TTLL4: variants seen among roughly 807,000 people sequenced by gnomAD.
TTLL4 encodes tubulin tyrosine ligase like 4.
TTLL4 carries 85 observed loss-of-function variants against 122.7 expected under a neutral mutation model. That is an observed-to-expected ratio of 0.69 (90% CI 0.58 to 0.83). The LOEUF (loss-of-function observed/expected upper bound fraction) is 0.83. Ranked by LOEUF, TTLL4 falls within the 40% of genes least tolerant of loss-of-function variation. TTLL4 has a pLI of 0.00. For synonymous variants in TTLL4, 553 were observed against 563.0 expected (o/e 0.98, Z 0.25); for missense variants, 1,363 against 1,488.6 (o/e 0.92, Z 1.39).
At chr2:218,728,955 A>G (rs1357414521) in intron 2 of TTLL4, among the ~76,000 whole-genome samples, 1 of 100,110 alleles carries the variant, frequency 1.0e-5, no homozygotes. Context: ...GGGGGGGGGC[A>G]TAGTTTTGTT....
chr2:218,749,322 T>C lies in TTLL4; in HGVS notation c.2670T>C (p.Phe890=), dbSNP rs116525724. The change falls in exon 14 of 20, where the codon TTT becomes TTC. Residue 890 remains phenylalanine, a synonymous_variant. Transcript: ENST00000392102. The stretch of plus-strand genomic sequence containing the variant: ...GGCCCTATAGCTGCCATGAACTCTT[T>C]GGTTTTGACATCATGCTAGACGAAA... ...VRRPYSCHEL[F]GFDIMLDENL... The C allele has an allele frequency of 1.9e-6, 3 of 1,614,060 alleles. No homozygotes were observed. The highest frequency in any genetic ancestry group is 1.1e-5 in the South Asian group (1 of 91,088).
At chr2:218,745,279 A>G (rs1478340844) in intron 6 of TTLL4, 46 bp downstream of exon 6, 2 of 1,610,776 alleles carry the variant, frequency 1.2e-6, no homozygotes, top group Non-Finnish European at 1.7e-6. Context: ...CCCGGGGAGA[A>G]GGTTGCTAGC....
Position 218,738,889 on chromosome 2 carries a change from G to T in TTLL4, c.1213G>T (p.Asp405Tyr), listed in dbSNP as rs773414414. Residue 405 changes from aspartate to tyrosine, a missense_variant, in exon 3 of 20, where the codon GAT (aspartate) becomes TAT (tyrosine). Asp to Tyr is a radical substitution (Grantham distance 160). Around this residue, in one of 3 missense-constraint regions of TTLL4, gnomAD observed 760 missense variants for 808.4 expected, o/e 0.94. Transcript: ENST00000392102. The stretch of plus-strand genomic sequence containing the variant: ...CAGGCGGGTCCTCCCTGGTGCCTCA[G>T]ATACCTTGGGGTTGGACAATACAGT... ...SVRRVLPGAS[D>Y]TLGLDNTVFC... The T allele has an allele frequency of 3.0e-5, 48 of 1,614,068 alleles. No homozygotes were observed. Among genetic ancestry groups the T allele is most frequent in the Non-Finnish European group, 3.8e-5 (45 of 1,180,040 alleles).
At chr2:218,722,695 A>G (rs1432391046) in intron 1 of TTLL4, among the ~76,000 whole-genome samples, 2 of 152,132 alleles carry the variant, frequency 1.3e-5, no homozygotes, top group African/African-American at 2.4e-5. Flanking sequence ...CTGTGTTTTA[A>G]AAAGAGTACT....
intron 12 of TTLL4, 141 bp from the exon 13 acceptor site, chr2:218,748,695 C>G (rs1006975522): frequency 4.7e-6 from 3 of 636,004 alleles, no homozygotes; most frequent in Non-Finnish European, 7.9e-6. Context: ...TATTTGCATC[C>G]AAGTTCATCT....
At chr2:218,729,059 A>G (rs1166493115) in intron 2 of TTLL4, among the ~76,000 whole-genome samples, 1 of 151,550 alleles carries the variant, frequency 6.6e-6, no homozygotes, top group Non-Finnish European at 1.5e-5. Flanking sequence ...CAGCCTCCCA[A>G]GTAGCTGGGA....
chr2:218,742,167 C>G (rs1942720646), intron 5 of TTLL4, among the ~76,000 whole-genome samples: 1 of 151,974 alleles, frequency 6.6e-6, no homozygotes, highest in South Asian at 2.1e-4. Context: ...GGGAAGGTCT[C>G]ATTATATTAC....
At chr2:218,714,094 C>T (rs1031927902) in intron 1 of TTLL4, among the ~76,000 whole-genome samples, 9 of 152,072 alleles carry the variant, frequency 5.9e-5, no homozygotes, top group African/African-American at 1.9e-4. Context: ...TGGTTGAAGC[C>T]GTGACGTGGA....
Position 218,749,994 on chromosome 2 carries a change from A to G in TTLL4, c.2736-15A>G. The G allele has an allele frequency of 6.2e-7, 1 of 1,613,332 alleles. No homozygotes were observed. The highest frequency in any genetic ancestry group is 8.5e-7 in the Non-Finnish European group (1 of 1,179,678). The stretch of plus-strand genomic sequence containing the variant: ...GAGTGCTGCTTTGACCACTCTTTTT[A>G]TCCTTTTTCTGAAGCCTCCACTCCA... On this transcript the variant is annotated splice_polypyrimidine_tract_variant and intron_variant, in intron 14 of 19. Transcript: ENST00000392102.
At position 218,747,228 on chromosome 2, in the gene TTLL4, CTG is replaced by C; in HGVS notation, c.2166+37_2166+38del. On this transcript the variant is annotated intron_variant, in intron 9 of 19. Transcript: ENST00000392102. The surrounding 1 kb of genome is among the most constrained non-coding windows in gnomAD (Gnocchi z 4.7). ...ATCACAGTGGGCAGGAGACTATGGT[CTG>C]TGAGTGGGAACAACAGAGTATTGGA... 1 of 1,614,110 alleles carries C rather than the reference CTG, an allele frequency of 6.2e-7. No homozygotes were observed. The highest frequency in any genetic ancestry group is 1.1e-5 in the South Asian group (1 of 91,078).
intron 19 of TTLL4, 96 bp from the exon 20 acceptor site, chr2:218,754,038 G>A: frequency 6.5e-7 from 1 of 1,546,948 alleles, no homozygotes; most frequent in Non-Finnish European, 8.8e-7. Flanking sequence ...ACACTGTAAT[G>A]TCGTGAATGC....
chr2:218,713,906 A>G (rs1288754188), intron 1 of TTLL4, among the ~76,000 whole-genome samples: 1 of 152,202 alleles, frequency 6.6e-6, no homozygotes, highest in East Asian at 1.9e-4. Context: ...TGGTGGCAGA[A>G]TAGAGGTAGA....
At position 218,747,769 on chromosome 2, in the gene TTLL4, T is replaced by G; in HGVS notation, c.2378+44T>G. On this transcript the variant is annotated intron_variant, in intron 11 of 19. Transcript: ENST00000392102. The surrounding 1 kb of genome is among the most constrained non-coding windows in gnomAD (Gnocchi z 4.7). ...GTATCCTCTGACAATATTGGGGATT[T>G]TATTTTCCTTGGAGGGAGGGAAACT... 1 of 1,609,046 alleles carries G rather than the reference T, an allele frequency of 6.2e-7. No individual in the cohort carries two copies. The highest frequency in any genetic ancestry group is 8.5e-7 in the Non-Finnish European group (1 of 1,176,830).
intron 2 of TTLL4, among the ~76,000 whole-genome samples, chr2:218,728,801 A>G (rs1299300009): frequency 6.6e-6 from 1 of 152,146 alleles, no homozygotes; most frequent in Non-Finnish European, 1.5e-5. Flanking sequence ...CAGAGAGTCC[A>G]GGGCTGAATA....
chr2:218,740,609 G>A (rs752819416), intron 5 of TTLL4, 25 bp downstream of exon 5: 1 of 1,612,196 alleles, frequency 6.2e-7, no homozygotes, highest in Admixed American at 1.7e-5. Flanking sequence ...ATAGATCATT[G>A]TTACATGCTC....
In TTLL4 at chr2:218,754,161, A is replaced by G. The variant is rs769201303; in HGVS notation, c.3372A>G (p.Leu1124=). The G allele has an allele frequency of 6.8e-6, 11 of 1,614,036 alleles. No individual in the cohort carries two copies. The highest frequency in any genetic ancestry group is 2.2e-5 in the South Asian group (2 of 91,088). ...LGKQSSCEVS[L]LLSEDGTTPK... ...AACAAAGCTCCTGTGAGGTTAGCCT[A>G]CTACTCTCTGAAGACGGGACCACGC... The change falls in exon 20 of 20, where the codon CTA becomes CTG. Residue 1124 remains leucine (L), a synonymous_variant. Transcript: ENST00000392102.
rs536707921 is a variant in TTLL4, at chr2:218,750,034, A to T, written c.2761A>T (p.Ile921Phe). The change falls in exon 15 of 20, where the codon ATC becomes TTC. Residue 921 changes from isoleucine to phenylalanine, a missense_variant. Physicochemically the swap from Ile to Phe is conservative, Grantham distance 21. Coordinates refer to ENST00000392102, the MANE Select transcript of TTLL4 (RefSeq NM_014640.5). ...CCTCCACTCCAGCTCTCCACTGGAT[A>T]TCAGCATCAAAGGCCAGATGATTCG... Reference protein sequence around the residue: ...PSLHSSSPLDISIKGQMIRDL... With the variant: ...PSLHSSSPLDFSIKGQMIRDL... 3 of 1,614,124 alleles carry T rather than the reference A, an allele frequency of 1.9e-6. No individual in the cohort carries two copies. In the East Asian group the frequency reaches 6.7e-5, roughly 36 times the overall value.
chr2:218,739,653 C>T (rs1942643632), intron 3 of TTLL4, among the ~76,000 whole-genome samples: 1 of 152,222 alleles, frequency 6.6e-6, no homozygotes, highest in South Asian at 2.1e-4. Flanking sequence ...TTAGGGCACA[C>T]ACATAGTTGG....
At chr2:218,751,887 C>CTTTTTTTTTTTTTTTTTT (rs72027596) in intron 16 of TTLL4, 81 bp downstream of exon 16, 1 of 420,764 alleles carries the variant, frequency 2.4e-6, no homozygotes, top group Non-Finnish European at 3.7e-6. Flanking sequence ...AACAGCTTTT[C>CTTTTTTTTTTTTTTTTTT]TTTTTTTTTT....
Sources: allele counts gnomAD v4.1 joint callset (sites outside exome capture counted in the v4.1 genomes callset), GRCh38; gene constraint gnomAD v4.1.1; regional missense constraint gnomAD v4.1.1; non-coding constraint Gnocchi (gnomAD v3.1); transcripts MANE v1.5; gene names NCBI Gene and HGNC (gene_info 2026-07-23, HGNC 2026-07-21).